SHANK2: variants seen among roughly 807,000 people sequenced by gnomAD.
SHANK2 encodes SH3 and multiple ankyrin repeat domains protein 2.
SHANK2 carries 43 observed loss-of-function variants against 133.7 expected under a neutral mutation model. The observed-to-expected ratio is 0.32, with a 90% CI of 0.25 to 0.41. SHANK2 has a LOEUF of 0.41. Among genes scored for constraint, SHANK2 ranks in the 10% least tolerant of loss-of-function variants. The pLI is 1.00. For missense variants in SHANK2, 1,994 were observed against 2,235.8 expected, an observed-to-expected ratio of 0.89 and a Z score of 2.18; for synonymous variants, 1,017 against 952.8, an observed-to-expected ratio of 1.07 and a Z score of -1.24.
chr11:71,177,433 C>T (rs1953468594), intron 2 of SHANK2, among the ~76,000 whole-genome samples: 1 of 152,208 alleles, frequency 6.6e-6, no homozygotes, highest in Non-Finnish European at 1.5e-5. Context: ...CTTATGCTTA[C>T]CTGAACTGGT....
intron 10 of SHANK2, among the ~76,000 whole-genome samples, chr11:70,944,247 C>T (rs1354097737): frequency 6.6e-6 from 1 of 152,240 alleles, no homozygotes; most frequent in Non-Finnish European, 1.5e-5. Context: ...ATCACTGTTG[C>T]CTGGGTTTCT....
intron 10 of SHANK2, among the ~76,000 whole-genome samples, chr11:70,937,986 T>C (rs1345967184): frequency 6.6e-6 from 1 of 152,204 alleles, no homozygotes; most frequent in African/African-American, 2.4e-5. Flanking sequence ...TGATCTATCT[T>C]ATTCTCTCCA....
At chr11:70,506,828 C>T (rs782777028) in intron 17 of SHANK2, among the ~76,000 whole-genome samples, 7 of 152,128 alleles carry the variant, frequency 4.6e-5, no homozygotes, top group South Asian at 2.1e-4. Context: ...GCCTCTCTAG[C>T]GGGGTGTCCT....
chr11:71,190,555 G>A (rs782475106), intron 2 of SHANK2, among the ~76,000 whole-genome samples: 5 of 152,170 alleles, frequency 3.3e-5, no homozygotes, highest in Non-Finnish European at 7.3e-5. Context: ...GGTTGATGGG[G>A]AACAAGAGAA....
In SHANK2 at chr11:70,489,511, A is replaced by G. The variant is rs551185030; in HGVS notation, c.2552-163T>C. The G allele has an allele frequency of 1.4e-5, 10 of 738,918 alleles. No homozygotes were observed. The African/African-American group carries it at 1.7e-4, about 13-fold the overall frequency. 45.8% of individuals were successfully genotyped at this position (738,918 alleles called of 1,614,324 possible). On this transcript the variant is annotated intron_variant, in intron 23 of 25. Coordinates refer to ENST00000601538, the MANE Select transcript of SHANK2 (RefSeq NM_012309.5). ...TACAGTTATCCACCTGAGACTCACA[A>G]GCACGCTGCGCTTTTGCACAGCAGC...
chr11:70,564,515 C>A (rs1591585961), intron 17 of SHANK2, among the ~76,000 whole-genome samples: 1 of 152,146 alleles, frequency 6.6e-6, no homozygotes, highest in South Asian at 2.1e-4. Flanking sequence ...CCGCCTCAGC[C>A]TCCCAAAGTG....
chr11:70,572,844 T>A (rs2060063405), intron 17 of SHANK2, among the ~76,000 whole-genome samples: 2 of 152,132 alleles, frequency 1.3e-5, no homozygotes, highest in Admixed American at 6.5e-5. Flanking sequence ...CGCTTGGCCG[T>A]CTCTCAAACT....
At chr11:71,131,845 C>G (rs190713807) in intron 3 of SHANK2, among the ~76,000 whole-genome samples, 1 of 152,324 alleles carries the variant, frequency 6.6e-6, no homozygotes, top group East Asian at 1.9e-4. Flanking sequence ...TTAAACACAT[C>G]ATCTCTTCCT....
At chr11:70,498,945 C>T (rs2059011190) in intron 21 of SHANK2, among the ~76,000 whole-genome samples, 1 of 152,202 alleles carries the variant, frequency 6.6e-6, no homozygotes, top group South Asian at 2.1e-4. Context: ...ATCCTATTTC[C>T]AAATAAGGTC....
intron 3 of SHANK2, among the ~76,000 whole-genome samples, chr11:71,144,405 C>T (rs1404234340): frequency 2.6e-5 from 4 of 152,182 alleles, no homozygotes. Context: ...ATCTTCTGGG[C>T]AGATACAGAG....
intron 14 of SHANK2, among the ~76,000 whole-genome samples, chr11:70,724,046 T>C (rs1473411216): frequency 6.6e-6 from 1 of 151,786 alleles, no homozygotes; most frequent in African/African-American, 2.4e-5. Context: ...ATTCTTTTTT[T>C]TTTTTTTGAG....
At chr11:70,557,746 G>A (rs141036050) in intron 17 of SHANK2, among the ~76,000 whole-genome samples, 7 of 152,266 alleles carry the variant, frequency 4.6e-5, no homozygotes, top group South Asian at 2.1e-4. Flanking sequence ...AAGTGGTTCC[G>A]GAGATCCCCA....
chr11:70,896,836 T>C (rs772305138), intron 10 of SHANK2, among the ~76,000 whole-genome samples: 22 of 152,116 alleles, frequency 1.4e-4, no homozygotes, highest in Admixed American at 5.2e-4. Flanking sequence ...GTGGGGCAAA[T>C]TACCCATAGA....
At chr11:71,159,309 C>G (rs1455017946) in intron 2 of SHANK2, among the ~76,000 whole-genome samples, 1 of 152,220 alleles carries the variant, frequency 6.6e-6, no homozygotes, top group African/African-American at 2.4e-5. Flanking sequence ...TCACTCCTAT[C>G]TCAGCTTCCA....
intron 2 of SHANK2, among the ~76,000 whole-genome samples, chr11:71,187,754 C>A (rs1370667521): frequency 6.6e-6 from 1 of 151,256 alleles, no homozygotes; most frequent in African/African-American, 2.4e-5. Context: ...TTTTTCTGGC[C>A]CATCCTCTAA....
chr11:70,909,451 AT>A, intron 10 of SHANK2, among the ~76,000 whole-genome samples: 1 of 152,264 alleles, frequency 6.6e-6, no homozygotes, highest in African/African-American at 2.4e-5. Context: ...GATCATAATG[AT>A]AACTACCCAT....
intron 14 of SHANK2, among the ~76,000 whole-genome samples, chr11:70,709,738 C>T (rs562347514): frequency 1.6e-4 from 24 of 152,136 alleles, no homozygotes; most frequent in South Asian, 4.2e-4. Context: ...GGCAAAGGTA[C>T]GCAAGTATCA....
chr11:70,641,076 T>G (rs2061172508), intron 17 of SHANK2, among the ~76,000 whole-genome samples: 1 of 151,398 alleles, frequency 6.6e-6, no homozygotes, highest in South Asian at 2.1e-4. Flanking sequence ...TTTTCTTTAC[T>G]ATGCTTTTTT....
At chr11:70,710,064 T>TC (rs1945747367) in intron 14 of SHANK2, among the ~76,000 whole-genome samples, 1 of 152,112 alleles carries the variant, frequency 6.6e-6, no homozygotes. Flanking sequence ...AGAGGTTTTC[T>TC]AGGCGCTCTC....
Sources: allele counts gnomAD v4.1 joint callset (sites outside exome capture counted in the v4.1 genomes callset), GRCh38; gene constraint gnomAD v4.1.1; transcripts MANE v1.5; gene names NCBI Gene and HGNC (gene_info 2026-07-23, HGNC 2026-07-21).